Variants in PREX2 observed in about 807,000 individuals in gnomAD.
PREX2 encodes phosphatidylinositol 3,4,5-trisphosphate-dependent Rac exchanger 2 protein.
A neutral mutation model predicts 203.2 loss-of-function variants in PREX2; 107 were observed. That is an observed-to-expected ratio of 0.53 (90% CI 0.45 to 0.62). The LOEUF is 0.62. PREX2 is among the 20% of genes least tolerant of loss of function. PREX2 has a pLI of 0.00. For synonymous variants in PREX2, 672 were observed against 663.6 expected (o/e 1.01, Z -0.19); for missense variants, 1,777 against 1,955.9 (o/e 0.91, Z 1.72).
At chr8:67,958,644 TATAAA>T (rs1805552741) in intron 1 of PREX2, among the ~76,000 whole-genome samples, 1 of 151,876 alleles carries the variant, frequency 6.6e-6, no homozygotes, top group Non-Finnish European at 1.5e-5. Context: ...CATTGGAAAA[TATAAA>T]AGAACAGTAA....
At chr8:68,020,377 C>T (rs974073047) in intron 3 of PREX2, among the ~76,000 whole-genome samples, 2 of 148,964 alleles carry the variant, frequency 1.3e-5, no homozygotes, top group African/African-American at 2.5e-5. Flanking sequence ...TATACCGTTA[C>T]GCTGATGCTA....
chr8:67,978,249 G>A (rs1256519500), intron 1 of PREX2, among the ~76,000 whole-genome samples: 1 of 152,100 alleles, frequency 6.6e-6, no homozygotes, highest in Non-Finnish European at 1.5e-5. Context: ...CTTCTGTGTT[G>A]TGAGAGTATC....
At chr8:68,119,238 C>T (rs529087441) in intron 27 of PREX2, among the ~76,000 whole-genome samples, 194 bp from the exon 28 acceptor site, 4 of 152,164 alleles carry the variant, frequency 2.6e-5, no homozygotes, top group Non-Finnish European at 5.9e-5. Context: ...GGAGGCACTC[C>T]GCCTTCAGAA....
intron 1 of PREX2, among the ~76,000 whole-genome samples, chr8:67,957,911 G>A (rs1439847356): frequency 1.3e-5 from 2 of 152,182 alleles, no homozygotes; most frequent in Non-Finnish European, 2.9e-5. Flanking sequence ...AGGTCATAGG[G>A]TAGACCTTAA....
At chr8:68,096,824 A>G (rs957537063) in intron 21 of PREX2, among the ~76,000 whole-genome samples, 193 bp from the exon 22 acceptor site, 1 of 152,224 alleles carries the variant, frequency 6.6e-6, no homozygotes, top group African/African-American at 2.4e-5. Context: ...TGAGGTTTGG[A>G]TCACTCAAGC....
chr8:68,221,096 T>C (rs917635763), intron 38 of PREX2, among the ~76,000 whole-genome samples: 4 of 152,184 alleles, frequency 2.6e-5, no homozygotes, highest in Non-Finnish European at 5.9e-5. Flanking sequence ...CGTCCCCACT[T>C]AAAAGTGAGA....
At chr8:67,969,556 C>T (rs1466736465) in intron 1 of PREX2, among the ~76,000 whole-genome samples, 2 of 152,182 alleles carry the variant, frequency 1.3e-5, no homozygotes, top group Non-Finnish European at 2.9e-5. Context: ...TTTAAACTTA[C>T]TTCCTGAGAT....
At chr8:68,187,591 A>G (rs541506900) in intron 35 of PREX2, among the ~76,000 whole-genome samples, 1 of 152,314 alleles carries the variant, frequency 6.6e-6, no homozygotes, top group Admixed American at 6.5e-5. Flanking sequence ...AACTGACCCT[A>G]TGACAGGCTA....
chr8:68,192,528 A>G lies in PREX2; in HGVS notation c.4604+3A>G. 1 of 1,596,086 alleles carries G rather than the reference A, an allele frequency of 6.3e-7. No individual in the cohort carries two copies. Among genetic ancestry groups the G allele is most frequent in the Non-Finnish European group, 8.6e-7 (1 of 1,169,350 alleles). On this transcript the variant is annotated splice_donor_region_variant and intron_variant, in intron 37 of 39. Transcript: ENST00000288368. ...ATGTGCAGCAGCGGTGTGCATCGGT[A>G]TGTGACCCTCCCGCCTTGCTTGCCT...
intron 22 of PREX2, 123 bp downstream of exon 22, chr8:68,097,324 T>G: frequency 1.4e-6 from 1 of 726,732 alleles, no homozygotes; most frequent in Non-Finnish European, 2.1e-6. Flanking sequence ...TCATTCAAAC[T>G]TCTTTTTTTT....
chr8:68,128,988 T>G (rs1200603274), intron 31 of PREX2, among the ~76,000 whole-genome samples: 1 of 152,196 alleles, frequency 6.6e-6, no homozygotes, highest in African/African-American at 2.4e-5. Flanking sequence ...GACAAAAATA[T>G]CTGAGAGTTT....
intron 1 of PREX2, among the ~76,000 whole-genome samples, chr8:68,008,315 C>A (rs1302944538): frequency 1.3e-5 from 2 of 152,100 alleles, no homozygotes; most frequent in African/African-American, 4.8e-5. Context: ...GTTTTAGTTA[C>A]TTTATACGAA....
chr8:67,990,864 G>T (rs1469944268), intron 1 of PREX2, among the ~76,000 whole-genome samples: 2 of 152,096 alleles, frequency 1.3e-5, no homozygotes, highest in Non-Finnish European at 2.9e-5. Flanking sequence ...TAGCCTTAAA[G>T]GAGAATGTTA....
At chr8:68,182,228 A>G (rs1183511594) in intron 35 of PREX2, among the ~76,000 whole-genome samples, 1 of 152,120 alleles carries the variant, frequency 6.6e-6, no homozygotes, top group Non-Finnish European at 1.5e-5. Context: ...AACCATGTTT[A>G]GTCTTTTCTT....
intron 1 of PREX2, among the ~76,000 whole-genome samples, chr8:67,995,421 T>C (rs1404591039): frequency 3.3e-5 from 5 of 152,228 alleles, no homozygotes; most frequent in Non-Finnish European, 7.4e-5. Context: ...TGTAATGCTG[T>C]AATTTGAAAA....
At position 68,119,496 on chromosome 8, in the gene PREX2, T is replaced by C; in HGVS notation, c.3486T>C (p.Leu1162=). 3.7e-6 allele frequency: 6 copies of C among 1,613,564 alleles called. No homozygotes were observed. The highest frequency in any genetic ancestry group is 5.1e-6 in the Non-Finnish European group (6 of 1,179,520). The change falls in exon 28 of 40, where the codon CTT becomes CTC. Residue 1162 remains leucine, a synonymous_variant. Transcript: ENST00000288368. The stretch of plus-strand genomic sequence containing the variant: ...AACAGGACAAGATACATAGTTGCCT[T>C]GAGCATCTTTTCAGCCAGGTACAAT... ...HDKQDKIHSC[L]EHLFSQVDSI...
intron 4 of PREX2, among the ~76,000 whole-genome samples, chr8:68,026,728 A>T (rs1449972109): frequency 6.6e-6 from 1 of 152,024 alleles, no homozygotes; most frequent in Non-Finnish European, 1.5e-5. Flanking sequence ...CTTGCTTAAA[A>T]CCTGTCCTAT....
intron 37 of PREX2, among the ~76,000 whole-genome samples, chr8:68,199,141 G>C (rs1441418328): frequency 7.3e-6 from 1 of 137,270 alleles, no homozygotes; most frequent in Non-Finnish European, 1.5e-5. Flanking sequence ...TTGGCATGGG[G>C]GGGTTCACCA....
chr8:68,114,969 T>C (rs866983070), intron 25 of PREX2, among the ~76,000 whole-genome samples: 4 of 152,076 alleles, frequency 2.6e-5, no homozygotes, highest in Non-Finnish European at 4.4e-5. Flanking sequence ...GGCTAGCACT[T>C]TAAAGATTAC....
Sources: allele counts gnomAD v4.1 joint callset (sites outside exome capture counted in the v4.1 genomes callset), GRCh38; gene constraint gnomAD v4.1.1; transcripts MANE v1.5; gene names NCBI Gene and HGNC (gene_info 2026-07-23, HGNC 2026-07-21).